The following GRM1 variants were observed in gnomAD, a reference collection of about 807,000 sequenced individuals.
The protein encoded by GRM1 is glutamate metabotropic receptor 1, also known as metabotropic glutamate receptor 1.
A neutral mutation model predicts 90.9 loss-of-function variants in GRM1; 33 were observed. That is an observed-to-expected ratio of 0.36 (90% CI 0.28 to 0.49). The LOEUF (loss-of-function observed/expected upper bound fraction) is 0.49. GRM1 is among the 20% of genes least tolerant of loss of function. The pLI, the probability that GRM1 is intolerant of heterozygous loss-of-function variation, is 0.99. For missense variants in GRM1, 1,190 were observed against 1,534.3 expected (o/e 0.78, Z 3.75); for synonymous variants, 700 against 613.2 (o/e 1.14, Z -2.09).
chr6:146,367,758 A>G (rs1440443060), intron 5 of GRM1, among the ~76,000 whole-genome samples: 2 of 151,956 alleles, frequency 1.3e-5, no homozygotes, highest in South Asian at 4.2e-4. Flanking sequence ...TTTCTTTTTT[A>G]TGGCTGTGTA....
At chr6:146,304,342 G>A (rs957182695) in intron 2 of GRM1, among the ~76,000 whole-genome samples, 1 of 152,142 alleles carries the variant, frequency 6.6e-6, no homozygotes. Context: ...AGAATCTGAT[G>A]ACTAGTGAAT....
chr6:146,149,997 C>T (rs1468802298), intron 1 of GRM1, among the ~76,000 whole-genome samples: 1 of 152,138 alleles, frequency 6.6e-6, no homozygotes, highest in South Asian at 2.1e-4. Context: ...ACTGACCAGA[C>T]CCATCATGCT....
In GRM1 at chr6:146,399,739, TTC is replaced by T; in HGVS notation, c.2660+44_2660+45del. ...CTGTTTGTCTCTCTTTTCTCTTCCT[TTC>T]TCTGTCTCTTTCTCTCTCTCTCTCT... On this transcript the variant is annotated intron_variant, in intron 7 of 7. Coordinates refer to ENST00000282753, the MANE Select transcript of GRM1 (RefSeq NM_001278064.2). The surrounding 1 kb of genome is among the most constrained non-coding windows in gnomAD (Gnocchi z 5.4). 2 of 1,344,466 alleles carry T rather than the reference TTC, an allele frequency of 1.5e-6. No homozygotes were observed. The highest frequency in any genetic ancestry group is 1.2e-5 in the South Asian group (1 of 82,428). 83.3% of individuals were successfully genotyped at this position (1,344,466 alleles called of 1,614,324 possible).
chr6:146,287,078 G>T (rs1346527994), intron 2 of GRM1, among the ~76,000 whole-genome samples: 1 of 152,152 alleles, frequency 6.6e-6, no homozygotes, highest in African/African-American at 2.4e-5. Flanking sequence ...AGTTTTTGTG[G>T]CAGATTATTG....
At chr6:146,420,230 T>G (rs1450811895) in intron 7 of GRM1, among the ~76,000 whole-genome samples, 1 of 152,222 alleles carries the variant, frequency 6.6e-6, no homozygotes, top group Admixed American at 6.5e-5. Flanking sequence ...ATGACAAAAT[T>G]GAAGACTCAA....
rs764282956 is a variant in GRM1, at chr6:146,254,181, A to C, written c.951-50430A>C. ...CGACGGCAGCAAGAATCACAGAAAC[A>C]GTCTCATAGCTGAAACAAACTGGTC... is the stretch of plus-strand genomic sequence containing the variant. On this transcript the variant is annotated intron_variant, in intron 2 of 7. Transcript: ENST00000282753. Among the ~76,000 whole-genome samples, 9 of 152,212 alleles carry C rather than the reference A, an allele frequency of 5.9e-5. No individual in the cohort carries two copies. In the South Asian group the frequency reaches 6.2e-4, roughly 10 times the overall value.
At chr6:146,056,735 C>A (rs1225076155) in intron 1 of GRM1, among the ~76,000 whole-genome samples, 3 of 152,104 alleles carry the variant, frequency 2.0e-5, no homozygotes, top group Non-Finnish European at 4.4e-5. Context: ...TTAACATTTT[C>A]GTTTTCACTG....
chr6:146,331,339 A>G (rs963308817), intron 3 of GRM1, among the ~76,000 whole-genome samples: 1 of 152,214 alleles, frequency 6.6e-6, no homozygotes, highest in Admixed American at 6.5e-5. Context: ...TTAGGGAAGA[A>G]AGAATAAATC....
intron 1 of GRM1, among the ~76,000 whole-genome samples, chr6:146,078,875 G>GA (rs1776272906): frequency 6.6e-6 from 1 of 152,044 alleles, no homozygotes; most frequent in African/African-American, 2.4e-5. Context: ...ACTGTTGTAG[G>GA]AAAAACCAGG....
intron 7 of GRM1, among the ~76,000 whole-genome samples, chr6:146,425,951 A>G (rs575249603): frequency 6.6e-6 from 1 of 152,320 alleles, no homozygotes; most frequent in East Asian, 1.9e-4. Context: ...TAGGTGCTGT[A>G]TAAGGAGACA....
intron 1 of GRM1, among the ~76,000 whole-genome samples, chr6:146,072,730 A>G (rs1776055158): frequency 6.6e-6 from 1 of 152,162 alleles, no homozygotes; most frequent in African/African-American, 2.4e-5. Flanking sequence ...AGAATTAATT[A>G]TAAAGCAAAA....
chr6:146,116,337 T>A (rs887484641), intron 1 of GRM1, among the ~76,000 whole-genome samples: 5 of 152,184 alleles, frequency 3.3e-5, no homozygotes, highest in Non-Finnish European at 5.9e-5. Context: ...AGCCTTGAAT[T>A]TTATCAAAGA....
chr6:146,280,135 G>T (rs1782514307), intron 2 of GRM1, among the ~76,000 whole-genome samples: 1 of 151,752 alleles, frequency 6.6e-6, no homozygotes, highest in African/African-American at 2.4e-5. Flanking sequence ...GCACATTTCT[G>T]CCACCCTGAA....
At chr6:146,233,221 T>C (rs1780506019) in intron 2 of GRM1, among the ~76,000 whole-genome samples, 1 of 152,140 alleles carries the variant, frequency 6.6e-6, no homozygotes, top group Admixed American at 6.6e-5. Context: ...TTGTAATCTT[T>C]TTAAATATGG....
chr6:146,091,393 G>A (rs528997748), intron 1 of GRM1, among the ~76,000 whole-genome samples: 12 of 152,192 alleles, frequency 7.9e-5, no homozygotes, highest in African/African-American at 2.6e-4. Flanking sequence ...ATAGCTGATG[G>A]GGTCCTTAGC....
At chr6:146,135,069 C>G (rs1776568854) in intron 1 of GRM1, among the ~76,000 whole-genome samples, 1 of 152,176 alleles carries the variant, frequency 6.6e-6, no homozygotes, top group Admixed American at 6.5e-5. Flanking sequence ...TGGGTGGGGA[C>G]ACAGAGCCAG....
intron 1 of GRM1, among the ~76,000 whole-genome samples, chr6:146,035,933 T>C (rs1790874930): frequency 6.6e-6 from 1 of 152,006 alleles, no homozygotes; most frequent in African/African-American, 2.4e-5. Context: ...CTTGAACTCT[T>C]TGTGATTCCT....
chr6:146,320,547 C>G (rs535470428), intron 3 of GRM1, among the ~76,000 whole-genome samples: 2 of 151,504 alleles, frequency 1.3e-5, no homozygotes, highest in Admixed American at 1.3e-4. Context: ...ATGGTAGCAG[C>G]AACTCTTTGT....
At chr6:146,302,545 T>G (rs1376701119) in intron 2 of GRM1, among the ~76,000 whole-genome samples, 1 of 151,114 alleles carries the variant, frequency 6.6e-6, no homozygotes, top group Admixed American at 6.6e-5. Context: ...ATAATTTTAT[T>G]TATTTATTTA....
Sources: allele counts gnomAD v4.1 joint callset (sites outside exome capture counted in the v4.1 genomes callset), GRCh38; gene constraint gnomAD v4.1.1; non-coding constraint Gnocchi (gnomAD v3.1); transcripts MANE v1.5; gene names NCBI Gene and HGNC (gene_info 2026-07-23, HGNC 2026-07-21).